Variants in SYT1 observed in about 807,000 individuals in gnomAD.
The protein encoded by SYT1 is synaptotagmin 1.
Under a neutral mutation model 44.8 loss-of-function variants are expected in SYT1, and 8 were observed. The ratio of observed to expected loss-of-function variants is 0.18; its 90% CI spans 0.10 to 0.32. SYT1 has a LOEUF of 0.32. Ranked by LOEUF, SYT1 falls within the 10% of genes least tolerant of loss-of-function variation. The pLI is 1.00. For synonymous variants in SYT1, 154 were observed against 188.8 expected (o/e 0.82, Z 1.51); for missense variants, 286 against 509.3 (o/e 0.56, Z 4.22).
At chr12:79,166,566 T>G (rs1871233648) in intron 3 of SYT1, among the ~76,000 whole-genome samples, 1 of 151,936 alleles carries the variant, frequency 6.6e-6, no homozygotes, top group Admixed American at 6.6e-5. Flanking sequence ...TTTATTTAAT[T>G]TTATTTTTAT....
At chr12:79,177,016 C>T (rs1455745410) in intron 3 of SYT1, among the ~76,000 whole-genome samples, 2 of 149,182 alleles carry the variant, frequency 1.3e-5, no homozygotes, top group Non-Finnish European at 3.0e-5. Context: ...ACTGATAACT[C>T]CATTGTAAAA....
chr12:79,226,032 A>C (rs1402553914), intron 4 of SYT1, among the ~76,000 whole-genome samples: 1 of 152,190 alleles, frequency 6.6e-6, no homozygotes, highest in Non-Finnish European at 1.5e-5. Flanking sequence ...GTTTATGCTC[A>C]TGCCTAGCAC....
At chr12:79,220,975 C>G (rs1875125019) in intron 4 of SYT1, among the ~76,000 whole-genome samples, 1 of 152,002 alleles carries the variant, frequency 6.6e-6, no homozygotes. Context: ...GGTGATGTTT[C>G]CCTACTGATT....
chr12:79,265,948 T>C (rs1476712480), intron 4 of SYT1, among the ~76,000 whole-genome samples: 1 of 152,166 alleles, frequency 6.6e-6, no homozygotes, highest in African/African-American at 2.4e-5. Context: ...TTTCTGTCAT[T>C]TCCATAGTCT....
At chr12:79,149,484 A>G (rs1199300639) in intron 3 of SYT1, among the ~76,000 whole-genome samples, 2 of 152,164 alleles carry the variant, frequency 1.3e-5, no homozygotes, top group East Asian at 3.8e-4. Flanking sequence ...TAATTTTTCT[A>G]AATTATCCCT....
At chr12:79,215,581 A>G (rs1874735549) in intron 3 of SYT1, among the ~76,000 whole-genome samples, 1 of 152,164 alleles carries the variant, frequency 6.6e-6, no homozygotes, top group African/African-American at 2.4e-5. Flanking sequence ...TGTAATCCAA[A>G]TACTTGAGAA....
At chr12:78,896,734 A>G (rs1462802853) in intron 1 of SYT1, among the ~76,000 whole-genome samples, 3 of 151,822 alleles carry the variant, frequency 2.0e-5, no homozygotes, top group South Asian at 4.1e-4. Flanking sequence ...AAACACTACA[A>G]AATATGATAT....
intron 3 of SYT1, among the ~76,000 whole-genome samples, chr12:79,142,383 G>A (rs1869613384): frequency 6.6e-6 from 1 of 152,198 alleles, no homozygotes; most frequent in Non-Finnish European, 1.5e-5. Context: ...TGGGGATGGA[G>A]CTTAATATAT....
At chr12:79,336,853 G>T (rs1592977539) in intron 8 of SYT1, among the ~76,000 whole-genome samples, 1 of 151,510 alleles carries the variant, frequency 6.6e-6, no homozygotes, top group Non-Finnish European at 1.5e-5. Flanking sequence ...TTTTTATTTT[G>T]GGGGGTGGAG....
chr12:78,937,520 G>C (rs911851127), intron 1 of SYT1, among the ~76,000 whole-genome samples: 1 of 152,156 alleles, frequency 6.6e-6, no homozygotes, highest in South Asian at 2.1e-4. Flanking sequence ...CCGTAAACAT[G>C]ATGGGGAATA....
chr12:79,340,347 G>A (rs982320905), intron 8 of SYT1, among the ~76,000 whole-genome samples: 2 of 152,114 alleles, frequency 1.3e-5, no homozygotes, highest in East Asian at 1.9e-4. Context: ...TTATTTCCTT[G>A]AGCAGTGGTT....
intron 2 of SYT1, among the ~76,000 whole-genome samples, chr12:79,015,361 CTTTTG>C (rs1480409456): frequency 4.6e-5 from 7 of 151,918 alleles, no homozygotes; most frequent in African/African-American, 1.7e-4. Flanking sequence ...TAATATTGTC[CTTTTG>C]TTTTAAGTAA....
chr12:78,992,406 A>G (rs1248952427), intron 2 of SYT1, among the ~76,000 whole-genome samples: 2 of 152,338 alleles, frequency 1.3e-5, no homozygotes, highest in East Asian at 3.9e-4. Flanking sequence ...GTGCTTCATA[A>G]ACAGTGGATG....
At chr12:79,424,580 T>C (rs780275698) in intron 9 of SYT1, among the ~76,000 whole-genome samples, 1 of 152,150 alleles carries the variant, frequency 6.6e-6, no homozygotes, top group Non-Finnish European at 1.5e-5. Flanking sequence ...CTTTCATTTG[T>C]ACAGTTTTTC....
chr12:79,368,561 T>C (rs1358649226), intron 9 of SYT1, among the ~76,000 whole-genome samples: 1 of 150,300 alleles, frequency 6.7e-6, no homozygotes. Flanking sequence ...CAGCACCTGT[T>C]GTTTCCTGAC....
chr12:79,102,816 T>C (rs752026033), intron 3 of SYT1, among the ~76,000 whole-genome samples: 8 of 152,196 alleles, frequency 5.3e-5, no homozygotes, highest in Non-Finnish European at 1.0e-4. Context: ...AAATTTTAAG[T>C]AGGTGGTCAT....
At chr12:79,203,046 C>A (rs1480785483) in intron 3 of SYT1, among the ~76,000 whole-genome samples, 2 of 151,280 alleles carry the variant, frequency 1.3e-5, no homozygotes, top group African/African-American at 4.9e-5. Context: ...GTATTAGCAA[C>A]AAGGCAAGTT....
intron 3 of SYT1, among the ~76,000 whole-genome samples, chr12:79,070,323 T>C (rs558863034): frequency 6.6e-6 from 1 of 152,300 alleles, no homozygotes; most frequent in African/African-American, 2.4e-5. Context: ...TTTGCTCTTA[T>C]TAACAATTTC....
chr12:78,936,978 T>C lies in SYT1; in HGVS notation c.-216-40821T>C, dbSNP rs142538439. ...GCTCTATCTTCCTTAATGATGACAT[T>C]TCAAAAGGATGGCTCCCAGGTCCTT... On this transcript the variant is annotated intron_variant, in intron 1 of 10. Transcript: ENST00000261205. Among the ~76,000 whole-genome samples the C allele has an allele frequency of 3.9e-5, 6 of 152,276 alleles. No homozygotes were observed. The East Asian group carries it at 1.2e-3, about 29-fold the overall frequency.
Sources: allele counts gnomAD v4.1 joint callset (sites outside exome capture counted in the v4.1 genomes callset), GRCh38; gene constraint gnomAD v4.1.1; transcripts MANE v1.5; gene names NCBI Gene and HGNC (gene_info 2026-07-23, HGNC 2026-07-21).